Variants in UBE2W observed in about 807,000 individuals in gnomAD.
UBE2W encodes ubiquitin conjugating enzyme E2 W, also known as ubiquitin-conjugating enzyme E2 W.
A neutral mutation model predicts 27.2 loss-of-function variants in UBE2W; 18 were observed. The observed-to-expected ratio is 0.66, with a 90% CI of 0.46 to 0.98. UBE2W has a LOEUF of 0.98. Among genes scored for constraint, UBE2W ranks in the 50% least tolerant of loss-of-function variants. UBE2W has a pLI of 0.00. For synonymous variants in UBE2W, 53 were observed against 57.2 expected (o/e 0.93, Z 0.33); for missense variants, 90 against 180.2 (o/e 0.50, Z 2.87).
chr8:73,817,680 G>T (rs1809449646), intron 3 of UBE2W, among the ~76,000 whole-genome samples: 1 of 152,118 alleles, frequency 6.6e-6, no homozygotes, highest in Non-Finnish European at 1.5e-5. Flanking sequence ...ACCATGCCCA[G>T]CTAATTTTTG....
downstream of UBE2W, among the ~76,000 whole-genome samples, chr8:73,782,104 C>T (rs1198270929): frequency 2.1e-5 from 3 of 143,882 alleles, no homozygotes; most frequent in African/African-American, 8.8e-5. Context: ...CTAGGCCCGG[C>T]TAATTTTTTT....
chr8:73,831,679 G>C (rs1810068112), intron 1 of UBE2W: 1 of 151,898 alleles, frequency 6.6e-6, no homozygotes, highest in Non-Finnish European at 1.5e-5. Context: ...CTCCTGAGTA[G>C]CTAGGACTAC....
At chr8:73,874,411 G>A (rs868665957) in intron 1 of UBE2W, among the ~76,000 whole-genome samples, 3 of 152,150 alleles carry the variant, frequency 2.0e-5, no homozygotes, top group Non-Finnish European at 4.4e-5. Context: ...CAGCCTGGGC[G>A]ACAGCGAGAC....
Position 73,794,015 on chromosome 8 carries a change from CAAAGGTT to C in UBE2W, c.*80_*86del. 1 of 1,590,512 alleles carries C rather than the reference CAAAGGTT, an allele frequency of 6.3e-7. No individual in the cohort carries two copies. The highest frequency in any genetic ancestry group is 8.5e-7 in the Non-Finnish European group (1 of 1,169,758). Reference sequence around the variant, plus strand: ...TCATTGCCTATAGGTCACTTCCAGTCAAAGGTTAAAGTTCAAAGACTGAATGATCAAA... The same window carrying C: ...TCATTGCCTATAGGTCACTTCCAGTCAAAGTTCAAAGACTGAATGATCAAA... On this transcript the variant is annotated 3_prime_UTR_variant, in exon 6 of 6. Transcript: ENST00000602593.
chr8:73,788,980 AT>A lies in UBE2W; in HGVS notation c.*5121del, dbSNP rs900668161. 7.0e-5 allele frequency: 69 copies of A among 982,952 alleles called. 1 individual carries two copies. Among genetic ancestry groups the A allele is most frequent in the Middle Eastern group, 1.1e-3 (2 of 1,904 alleles). The allele number at this position is 982,952 out of a possible 1,614,324, so 60.9% of individuals were successfully genotyped here. A position where few individuals can be genotyped will look rare whatever the true frequency, so the allele number is the denominator to read the frequency against. On this transcript the variant is annotated 3_prime_UTR_variant, in exon 6 of 6. Coordinates refer to ENST00000602593, the MANE Select transcript of UBE2W (RefSeq NM_018299.6). ...TTAACAAAAAATTTTTCATAAAAAA[AT>A]AGTCATTTAATCATTCTAGAGACTC... is the stretch of plus-strand genomic sequence containing the variant.
At chr8:73,821,677 T>C (rs1809621685) in intron 3 of UBE2W, among the ~76,000 whole-genome samples, 1 of 149,688 alleles carries the variant, frequency 6.7e-6, no homozygotes, top group Admixed American at 6.6e-5. Flanking sequence ...AACTAAAGGC[T>C]ACTGTAATGG....
At chr8:73,783,293 T>G (rs1286285668), downstream of UBE2W, among the ~76,000 whole-genome samples, 1 of 152,222 alleles carries the variant, frequency 6.6e-6, no homozygotes, top group African/African-American at 2.4e-5. Context: ...CTTTGTCAAA[T>G]CCAAGACCTC....
chr8:73,781,929 CTTTTTTTTTT>C (rs71269945), downstream of UBE2W, among the ~76,000 whole-genome samples: 3 of 96,012 alleles, frequency 3.1e-5, no homozygotes, highest in African/African-American at 7.6e-5. Context: ...TAAAAGCCTC[CTTTTTTTTTT>C]TTTTTTTTTT....
At position 73,818,390 on chromosome 8, in the gene UBE2W, T is replaced by A. The variant is rs113895844; in HGVS notation, c.210+6757A>T. 3.2e-3 allele frequency among the ~76,000 whole-genome samples: 485 copies of A among 152,318 alleles called. 2 individuals carry two copies. The highest frequency in any genetic ancestry group is 8.5e-3 in the South Asian group (41 of 4,826). On this transcript the variant is annotated intron_variant, in intron 3 of 5. Transcript: ENST00000602593. The stretch of plus-strand genomic sequence containing the variant: ...ACGGCCTATCTGATCTCCCTGCACC[T>A]TTATGCCCTGAACGGTTTATATGCC...
intron 3 of UBE2W, among the ~76,000 whole-genome samples, chr8:73,818,744 T>C (rs1809491558): frequency 6.6e-6 from 1 of 152,148 alleles, no homozygotes; most frequent in African/African-American, 2.4e-5. Context: ...ATGAGTTCTC[T>C]TGAGATCTGG....
chr8:73,874,369 C>A (rs1263791502), intron 1 of UBE2W, among the ~76,000 whole-genome samples: 1 of 152,044 alleles, frequency 6.6e-6, no homozygotes, highest in Non-Finnish European at 1.5e-5. Context: ...GGATTGGAGC[C>A]TGCAGTGAGC....
chr8:73,866,290 A>AAAAAATATATATATAT (rs1248216873), intron 1 of UBE2W, among the ~76,000 whole-genome samples: 1 of 43,088 alleles, frequency 2.3e-5, no homozygotes, highest in African/African-American at 9.9e-5. Context: ...AAAAAAAAAA[A>AAAAAATATATATATAT]ATATATATAT....
chr8:73,805,472 C>CAAAACAAAAAAAA (rs1554579998), intron 5 of UBE2W, among the ~76,000 whole-genome samples, 179 bp downstream of exon 5: 10 of 43,676 alleles, frequency 2.3e-4, no homozygotes, highest in South Asian at 9.2e-4. Flanking sequence ...AAAAAAAAAA[C>CAAAACAAAAAAAA]AAAAAAAACT....
intron 1 of UBE2W, among the ~76,000 whole-genome samples, chr8:73,834,272 TTAAA>T (rs768506376): frequency 3.9e-5 from 6 of 152,250 alleles, no homozygotes; most frequent in Non-Finnish European, 7.3e-5. Flanking sequence ...TTAAATTTGC[TTAAA>T]TAATTTGTTT....
At chr8:73,822,929 C>T (rs1189634196) in intron 3 of UBE2W, among the ~76,000 whole-genome samples, 1 of 151,858 alleles carries the variant, frequency 6.6e-6, no homozygotes, top group African/African-American at 2.4e-5. Flanking sequence ...GGACAGTAAC[C>T]CAGGATAAAG....
Position 73,855,629 on chromosome 8 carries a change from C to T in UBE2W, c.15+23179G>A, listed in dbSNP as rs541194359. Reference sequence around the variant, plus strand: ...CCATGTTGACCAGGCTGGTCTCAAACTCCTGACCTCAAGTAATCTGCCCAC... The same window carrying T: ...CCATGTTGACCAGGCTGGTCTCAAATTCCTGACCTCAAGTAATCTGCCCAC... On this transcript the variant is annotated intron_variant, in intron 1 of 5. Transcript: ENST00000602593. 2.0e-5 allele frequency among the ~76,000 whole-genome samples: 3 copies of T among 152,000 alleles called. No individual in the cohort carries two copies. The South Asian group carries it at 6.2e-4, about 32-fold the overall frequency.
chr8:73,787,690 C>T lies in UBE2W; in HGVS notation c.*6412G>A, dbSNP rs1808014307. On this transcript the variant is annotated 3_prime_UTR_variant, in exon 6 of 6. Coordinates refer to ENST00000602593, the MANE Select transcript of UBE2W (RefSeq NM_018299.6). ...GCCCCTTCTTGTGGTTATTTCTTTC[C>T]TCTTCTTGCAGCTTCAAGAGTCACT... 1 of 985,302 alleles carries T rather than the reference C, an allele frequency of 1.0e-6. No individual in the cohort carries two copies. The highest frequency in any genetic ancestry group is 4.7e-5 in the South Asian group (1 of 21,292). The allele number at this position is 985,302 out of a possible 1,614,324, so 61.0% of individuals were successfully genotyped here.
chr8:73,830,576 C>G (rs574140298), intron 1 of UBE2W, 104 bp from the exon 2 acceptor site: 2 of 829,900 alleles, frequency 2.4e-6, no homozygotes, highest in Middle Eastern at 3.4e-4. Flanking sequence ...TCCTCAAACT[C>G]CTGGGCTCAA....
At chr8:73,867,621 G>A (rs920388675) in intron 1 of UBE2W, among the ~76,000 whole-genome samples, 1 of 151,602 alleles carries the variant, frequency 6.6e-6, no homozygotes, top group Non-Finnish European at 1.5e-5. Context: ...TGAGGCAGGA[G>A]AATCGCTTGA....
Sources: gnomAD v4.1 joint callset for allele counts (sites outside exome capture counted in the v4.1 genomes callset) on GRCh38, gnomAD v4.1.1 for gene constraint, MANE v1.5 for transcripts, NCBI Gene and HGNC (gene_info 2026-07-23, HGNC 2026-07-21) for gene names.